The following RTF1 variants were observed in gnomAD, a reference collection of about 807,000 sequenced individuals.
RTF1 encodes the protein RTF1 homolog, Paf1/RNA polymerase II complex component, also known as RNA polymerase-associated protein RTF1 homolog.
A neutral mutation model predicts 95.7 loss-of-function variants in RTF1; 10 were observed. The ratio of observed to expected loss-of-function variants is 0.10; its 90% CI spans 0.06 to 0.18. RTF1 has a LOEUF of 0.18. RTF1 is among the 10% of genes least tolerant of loss of function. RTF1 has a pLI of 1.00. For synonymous variants in RTF1, 305 were observed against 311.8 expected (o/e 0.98, Z 0.23); for missense variants, 458 against 875.6 (o/e 0.52, Z 6.02).
chr15:41,429,990 A>ATTTAT (rs2050660390), intron 1 of RTF1, among the ~76,000 whole-genome samples: 1 of 138,832 alleles, frequency 7.2e-6, no homozygotes, highest in Non-Finnish European at 1.6e-5. Flanking sequence ...ATTTAATTTA[A>ATTTAT]TTTATTTTAT....
At chr15:41,470,881 AT>A (rs1039048170) in intron 7 of RTF1, among the ~76,000 whole-genome samples, 2 of 151,626 alleles carry the variant, frequency 1.3e-5, no homozygotes, top group Non-Finnish European at 2.9e-5. Context: ...GATGGTCTCG[AT>A]CTCCTGACCT....
rs752321579 is a variant in RTF1 at position 41,480,727 on chromosome 15, C to T, written c.*40C>T. Reference sequence around the variant, plus strand: ...CTGCTTCTGACCCTGCATGCCCCATCGCAGCGTCCCACCTTTCCTCCTTTC... The same window carrying T: ...CTGCTTCTGACCCTGCATGCCCCATTGCAGCGTCCCACCTTTCCTCCTTTC... On this transcript the variant is annotated 3_prime_UTR_variant, in exon 18 of 18. Transcript: ENST00000389629. The T allele has an allele frequency of 1.0e-5, 14 of 1,382,280 alleles. No homozygotes were observed. Among genetic ancestry groups the T allele is most frequent in the Admixed American group, 1.7e-5 (1 of 59,258 alleles). The allele number at this position is 1,382,280 out of a possible 1,614,324, so 85.6% of individuals were successfully genotyped here. A position where few individuals can be genotyped will look rare whatever the true frequency, so the allele number is the denominator to read the frequency against.
Position 41,479,216 on chromosome 15 carries a change from C to G in RTF1, c.1914+18C>G. On this transcript the variant is annotated intron_variant, in intron 16 of 17. Transcript: ENST00000389629. ...TGAGCAAGGCAAGTGTGGTACCACC[C>G]TGTTGCCTGCTGAGTGAGGCTGCTG... is the stretch of plus-strand genomic sequence containing the variant. 6.5e-7 allele frequency: 1 copy of G among 1,542,236 alleles called. No individual in the cohort carries two copies. Among genetic ancestry groups the G allele is most frequent in the South Asian group, 1.1e-5 (1 of 89,288 alleles).
intron 8 of RTF1, among the ~76,000 whole-genome samples, chr15:41,472,462 C>T (rs1019621984): frequency 6.6e-6 from 1 of 152,090 alleles, no homozygotes; most frequent in Admixed American, 6.5e-5. Context: ...CTGTCTCGGC[C>T]TCCCAAAGTG....
In RTF1 at chr15:41,457,874, A is replaced by G. The variant is rs2050826899; in HGVS notation, c.660A>G (p.Arg220=). 6.2e-7 allele frequency: 1 copy of G among 1,612,940 alleles called. No individual in the cohort carries two copies. Among genetic ancestry groups the G allele is most frequent in the Non-Finnish European group, 8.5e-7 (1 of 1,179,632 alleles). The change falls in exon 4 of 18, where the codon AGA becomes AGG. Residue 220 remains arginine (R), a splice_region_variant and synonymous_variant. Transcript: ENST00000389629. ...NRIEKREVLK[R]RFEIKKKLKT... ...TAGAGAAGAGGGAGGTGTTGAAAAGAAGGTAAGGTTGTCCTCGTCGTTGTC... is the reference window on the plus strand; with the variant it reads ...TAGAGAAGAGGGAGGTGTTGAAAAGGAGGTAAGGTTGTCCTCGTCGTTGTC...
rs768538109 is a variant in RTF1 at position 41,470,372 on chromosome 15, A to G, written c.1005A>G (p.Ser335=). Residue 335 remains serine (S), a synonymous_variant, in exon 7 of 18, where the codon TCA becomes TCG. Transcript: ENST00000389629. ...SEKSDRSSRT[S]SSDEEEEKEE... ...AGTCAGACCGCTCATCACGAACATC[A>G]TCGTCTGATGAAGAAGAGGAGTAAG... 8.7e-6 allele frequency: 14 copies of G among 1,614,162 alleles called. No homozygotes were observed. Among genetic ancestry groups the G allele is most frequent in the Middle Eastern group, 1.6e-4 (1 of 6,062 alleles).
At position 41,455,837 on chromosome 15, in the gene RTF1, A is replaced by G. The variant is rs1235981426; in HGVS notation, c.458-1835A>G. Among the ~76,000 whole-genome samples, 3 of 151,946 alleles carry G rather than the reference A, an allele frequency of 2.0e-5. No homozygotes were observed. The East Asian group carries it at 5.8e-4, about 29-fold the overall frequency. ...GGGACTTGGGGAGGGAGTGAGGGTT[A>G]AAAGAGTACATATTGGGTACAGTGT... On this transcript the variant is annotated intron_variant, in intron 3 of 17. Coordinates refer to ENST00000389629, the MANE Select transcript of RTF1 (RefSeq NM_015138.5).
At chr15:41,426,869 TCTCA>T (rs972499129) in intron 1 of RTF1, among the ~76,000 whole-genome samples, 1 of 148,820 alleles carries the variant, frequency 6.7e-6, no homozygotes, top group Admixed American at 6.9e-5. Flanking sequence ...TTAGGCAGAG[TCTCA>T]CTCTGTTGCC....
chr15:41,432,287 T>C (rs572188436), intron 1 of RTF1, among the ~76,000 whole-genome samples: 22 of 150,264 alleles, frequency 1.5e-4, no homozygotes, highest in African/African-American at 5.1e-4. Context: ...AAGTTCCGCC[T>C]CCCGGGTTCA....
intron 5 of RTF1, among the ~76,000 whole-genome samples, 154 bp from the exon 6 acceptor site, chr15:41,465,987 T>A (rs1398425958): frequency 6.6e-6 from 1 of 152,200 alleles, no homozygotes; most frequent in African/African-American, 2.4e-5. Flanking sequence ...ATCCTCTTTG[T>A]CCACAAGAGG....
chr15:41,459,054 A>G (rs2050833357), intron 4 of RTF1, among the ~76,000 whole-genome samples: 1 of 152,058 alleles, frequency 6.6e-6, no homozygotes, highest in Non-Finnish European at 1.5e-5. Context: ...CCTGGGCGAC[A>G]GAGGGAGATT....
At chr15:41,470,497 A>T in intron 7 of RTF1, 105 bp downstream of exon 7, 1 of 1,216,314 alleles carries the variant, frequency 8.2e-7, no homozygotes, top group Non-Finnish European at 1.2e-6. Context: ...TAACTCTGAC[A>T]TGGTTACCTT....
rs1478676141 is a variant in RTF1, at chr15:41,434,322, ACATT to A, written c.199-3995_199-3992del. ...CTGGTAAATGGTTCAACAAACTGAT[ACATT>A]CATACAGTGGAATACTACTTAGCAA... On this transcript the variant is annotated intron_variant, in intron 1 of 17. Transcript: ENST00000389629. Among the ~76,000 whole-genome samples, 3 of 152,110 alleles carry A rather than the reference ACATT, an allele frequency of 2.0e-5. No individual in the cohort carries two copies. In the East Asian group the frequency reaches 5.8e-4, roughly 29 times the overall value.
chr15:41,426,538 G>A (rs559434214), intron 1 of RTF1, among the ~76,000 whole-genome samples: 4 of 151,502 alleles, frequency 2.6e-5, no homozygotes, highest in African/African-American at 4.8e-5. Flanking sequence ...AACTCCAGAC[G>A]TCATGATCTG....
intron 1 of RTF1, among the ~76,000 whole-genome samples, chr15:41,433,063 T>C (rs557314682): frequency 2.1e-4 from 32 of 151,894 alleles, no homozygotes; most frequent in African/African-American, 7.2e-4. Context: ...CTGGCCAACA[T>C]GGTGAAAACC....
At chr15:41,451,687 C>A (rs1172332180) in intron 2 of RTF1, among the ~76,000 whole-genome samples, 1 of 152,162 alleles carries the variant, frequency 6.6e-6, no homozygotes, top group Non-Finnish European at 1.5e-5. Context: ...CAAAGAATGG[C>A]CTTCATCCTT....
In RTF1 at chr15:41,421,866, A is replaced by G. The variant is rs113198727; in HGVS notation, c.198+4553A>G. ...GCTGGGACTACAGGTGTGCACCACCACACCCAGCTAATTTTTAAAATCATT... is the reference window on the plus strand; with the variant it reads ...GCTGGGACTACAGGTGTGCACCACCGCACCCAGCTAATTTTTAAAATCATT... On this transcript the variant is annotated intron_variant, in intron 1 of 17. Transcript: ENST00000389629. Among the ~76,000 whole-genome samples, 592 of 151,936 alleles carry G rather than the reference A, an allele frequency of 3.9e-3. 3 individuals are homozygous for G. The highest frequency in any genetic ancestry group is 0.014 in the African/African-American group (576 of 41,466).
intron 1 of RTF1, among the ~76,000 whole-genome samples, chr15:41,430,619 T>C (rs1476656219): frequency 2.6e-5 from 4 of 151,568 alleles, no homozygotes; most frequent in Admixed American, 6.6e-5. Context: ...TGCATGCCTG[T>C]AGTCCCAGCT....
rs1274351081 is a variant in RTF1 at position 41,478,598 on chromosome 15, G to A, written c.1791G>A (p.Arg597=). 1.2e-6 allele frequency: 2 copies of A among 1,613,940 alleles called. No homozygotes were observed. Residue 597 remains arginine, a synonymous_variant, in exon 15 of 18, where the codon CGG becomes CGA. Transcript: ENST00000389629. ...AACAGATGGATCCCTTTACTCGGCG[G>A]CAGTGCAAGCCTACCATCGTTTCTA... ...KNQQMDPFTR[R]QCKPTIVSNS... is the part of the protein sequence containing the mutation.
Sources: allele counts gnomAD v4.1 joint callset (sites outside exome capture counted in the v4.1 genomes callset), GRCh38; gene constraint gnomAD v4.1.1; transcripts MANE v1.5; gene names NCBI Gene and HGNC (gene_info 2026-07-23, HGNC 2026-07-21).